Variants in ESR1 observed in about 807,000 individuals in gnomAD.
The protein encoded by ESR1 is estrogen receptor 1.
In ESR1, 12 loss-of-function variants were observed where a neutral mutation model predicts 52.7. The ratio of observed to expected loss-of-function variants is 0.23; its 90% CI spans 0.15 to 0.37. ESR1 has a LOEUF of 0.37. Among genes scored for constraint, ESR1 ranks in the 10% least tolerant of loss-of-function variants. The pLI is 1.00. For synonymous variants in ESR1, 305 were observed against 316.8 expected, an observed-to-expected ratio of 0.96 and a Z score of 0.39; for missense variants, 584 against 779.7, an observed-to-expected ratio of 0.75 and a Z score of 2.99.
chr6:151,724,571 C>G (rs1007562179), intron 2 of ESR1, among the ~76,000 whole-genome samples: 5 of 145,936 alleles, frequency 3.4e-5, no homozygotes, highest in Non-Finnish European at 6.1e-5. Flanking sequence ...CACACCCAAA[C>G]AATCACACAC....
At chr6:151,925,681 T>G (rs1033229607) in intron 3 of ESR1, among the ~76,000 whole-genome samples, 5 of 152,048 alleles carry the variant, frequency 3.3e-5, no homozygotes, top group African/African-American at 1.2e-4. Flanking sequence ...GTTTGAGGAG[T>G]TTTTTTGTAT....
chr6:152,035,097 G>GT (rs556028766), intron 5 of ESR1, among the ~76,000 whole-genome samples: 1 of 151,840 alleles, frequency 6.6e-6, no homozygotes, highest in African/African-American at 2.4e-5. Context: ...AAAAATTCCA[G>GT]TTTTTTTTAA....
chr6:152,118,977 TC>T (rs2051243410), intron 6 of ESR1, among the ~76,000 whole-genome samples: 1 of 151,978 alleles, frequency 6.6e-6, no homozygotes, highest in African/African-American at 2.4e-5. Flanking sequence ...TTCTCCACAA[TC>T]CCCTGTGAAG....
At chr6:152,079,662 G>C (rs918449311) in intron 6 of ESR1, among the ~76,000 whole-genome samples, 1 of 152,198 alleles carries the variant, frequency 6.6e-6, no homozygotes, top group Admixed American at 6.5e-5. Flanking sequence ...ACAGAAGTAG[G>C]CTTCAGAAGG....
chr6:151,710,476 A>G (rs74565161), intron 2 of ESR1, among the ~76,000 whole-genome samples: 113 of 152,328 alleles, frequency 7.4e-4, no homozygotes, highest in African/African-American at 2.5e-3. Context: ...CCAAAATATT[A>G]GCTTGAAACA....
intron 4 of ESR1, among the ~76,000 whole-genome samples, chr6:151,968,488 C>G (rs1307935745): frequency 6.6e-6 from 1 of 152,130 alleles, no homozygotes; most frequent in Non-Finnish European, 1.5e-5. Flanking sequence ...AACAGGCAAC[C>G]TACAGAATGG....
chr6:151,987,486 T>C (rs923228496), intron 4 of ESR1, among the ~76,000 whole-genome samples: 1 of 152,142 alleles, frequency 6.6e-6, no homozygotes, highest in African/African-American at 2.4e-5. Context: ...CTCAAACTCC[T>C]GACCTCAGGT....
intron 2 of ESR1, among the ~76,000 whole-genome samples, chr6:151,855,931 T>G (rs1018042184): frequency 2.0e-5 from 3 of 152,196 alleles, no homozygotes; most frequent in Admixed American, 2.0e-4. Flanking sequence ...CATGCTCAAT[T>G]CTGCATGTGT....
At chr6:151,669,193 G>A (rs1016640735) in intron 1 of ESR1, among the ~76,000 whole-genome samples, 2,232 of 48,856 alleles carry the variant, frequency 0.046, 199 homozygotes, top group Non-Finnish European at 0.067. Flanking sequence ...AGAGAGATGG[G>A]AATCCAGGGG....
intron 2 of ESR1, among the ~76,000 whole-genome samples, chr6:151,854,058 T>G (rs1475040829): frequency 5.9e-5 from 9 of 152,194 alleles, no homozygotes; most frequent in African/African-American, 2.2e-4. Context: ...CATAGAGAAC[T>G]GTTGTCAGTA....
At chr6:151,888,627 T>G (rs560847314) in intron 3 of ESR1, among the ~76,000 whole-genome samples, 3 of 152,230 alleles carry the variant, frequency 2.0e-5, no homozygotes, top group Non-Finnish European at 4.4e-5. Flanking sequence ...CACGGGCAAT[T>G]TAACTTCTTC....
At chr6:151,669,159 A>AGAGAGAGAGGGAGAG (rs1777944759) in intron 1 of ESR1, among the ~76,000 whole-genome samples, 2 of 123,120 alleles carry the variant, frequency 1.6e-5, no homozygotes, top group Admixed American at 8.0e-5. Flanking sequence ...AGAGAGAGAG[A>AGAGAGAGAGGGAGAG]GAGAGAGAGA....
chr6:151,966,822 G>A (rs998898273), intron 4 of ESR1, among the ~76,000 whole-genome samples: 3 of 152,276 alleles, frequency 2.0e-5, no homozygotes, highest in Non-Finnish European at 2.9e-5. Flanking sequence ...CACGATGGGC[G>A]AACATTTTGT....
At chr6:151,853,447 T>G (rs1392896926) in intron 2 of ESR1, among the ~76,000 whole-genome samples, 1 of 152,168 alleles carries the variant, frequency 6.6e-6, no homozygotes, top group African/African-American at 2.4e-5. Context: ...ACGCATATAT[T>G]TGAAGAACTC....
chr6:151,933,380 T>A (rs1292775811), intron 3 of ESR1, among the ~76,000 whole-genome samples: 1 of 151,042 alleles, frequency 6.6e-6, no homozygotes, highest in African/African-American at 2.4e-5. Flanking sequence ...TTTCTAGATA[T>A]ACAATCATGT....
Position 152,099,025 on chromosome 6 carries a change from C to T in ESR1, c.*59C>T. The T allele has an allele frequency of 6.9e-7, 1 of 1,449,326 alleles. No homozygotes were observed. Among genetic ancestry groups the T allele is most frequent in the Non-Finnish European group, 9.6e-7 (1 of 1,039,112 alleles). The allele number at this position is 1,449,326 out of a possible 1,614,324, so 89.8% of individuals were successfully genotyped here. A position where few individuals can be genotyped will look rare whatever the true frequency, so the allele number is the denominator to read the frequency against. ...CCTGCTGCATTTTACCCTCATCATGCACCACTTTAGCCAAATTCTGTCTCC... is the reference window on the plus strand; with the variant it reads ...CCTGCTGCATTTTACCCTCATCATGTACCACTTTAGCCAAATTCTGTCTCC... On this transcript the variant is annotated 3_prime_UTR_variant, in exon 8 of 8. Coordinates refer to ENST00000206249, the MANE Select transcript of ESR1 (RefSeq NM_000125.4).
chr6:151,694,044 C>T (rs780423801), intron 1 of ESR1, among the ~76,000 whole-genome samples: 1 of 152,200 alleles, frequency 6.6e-6, no homozygotes, highest in Admixed American at 6.5e-5. Context: ...GTTGGGGCAG[C>T]TCTTACTTTG....
chr6:152,123,911 C>A (rs2052367673), intron 6 of ESR1, among the ~76,000 whole-genome samples: 1 of 151,992 alleles, frequency 6.6e-6, no homozygotes, highest in Non-Finnish European at 1.5e-5. Flanking sequence ...GACAGACTAC[C>A]CTAATATCGG....
At chr6:151,772,134 G>A (rs1217451861) in intron 2 of ESR1, among the ~76,000 whole-genome samples, 1 of 152,190 alleles carries the variant, frequency 6.6e-6, no homozygotes, top group African/African-American at 2.4e-5. Flanking sequence ...TAACAGGGCA[G>A]TACACACCCG....
Sources: allele counts gnomAD v4.1 joint callset (sites outside exome capture counted in the v4.1 genomes callset), GRCh38; gene constraint gnomAD v4.1.1; transcripts MANE v1.5; gene names NCBI Gene and HGNC (gene_info 2026-07-23, HGNC 2026-07-21).